ABR: variants seen among roughly 807,000 people sequenced by gnomAD.
The protein encoded by ABR is active breakpoint cluster region-related protein.
Under a neutral mutation model 107.2 loss-of-function variants are expected in ABR, and 35 were observed. The ratio of observed to expected loss-of-function variants is 0.33; its 90% CI spans 0.25 to 0.43. The LOEUF is 0.43. ABR is among the 20% of genes least tolerant of loss of function. The probability of loss-of-function intolerance (pLI) is 1.00; values close to 1 mark genes in which losing one functional copy is unlikely to be tolerated. For synonymous variants in ABR, 498 were observed against 462.0 expected, an observed-to-expected ratio of 1.08 and a Z score of -1.00; for missense variants, 815 against 1,115.2, an observed-to-expected ratio of 0.73 and a Z score of 3.83.
At chr17:1,134,372 A>T in intron 1 of ABR, among the ~76,000 whole-genome samples, 1 of 152,142 alleles carries the variant, frequency 6.6e-6, no homozygotes. Flanking sequence ...AGATTGTAGC[A>T]CTGCACTCCA....
At chr17:1,109,702 A>G (rs1356690025) in intron 2 of ABR, among the ~76,000 whole-genome samples, 1 of 151,020 alleles carries the variant, frequency 6.6e-6, no homozygotes, top group East Asian at 2.0e-4. Context: ...CGGCCCGCCC[A>G]GAAGCCACAG....
At chr17:1,012,110 G>A (rs1052579429) in intron 18 of ABR, 125 bp from the exon 19 acceptor site, 1 of 1,485,362 alleles carries the variant, frequency 6.7e-7, no homozygotes, top group South Asian at 1.2e-5. Flanking sequence ...TGGGGCGGGG[G>A]CAGGGGCAGG....
chr17:1,076,976 T>C (rs1417797167), intron 6 of ABR, among the ~76,000 whole-genome samples: 1 of 152,190 alleles, frequency 6.6e-6, no homozygotes, highest in Non-Finnish European at 1.5e-5. Flanking sequence ...TCTCTCTAGT[T>C]TGCTGGGTAC....
intron 1 of ABR, 39 bp from the exon 2 acceptor site, chr17:1,125,406 AC>A: frequency 1.2e-6 from 2 of 1,606,264 alleles, no homozygotes; most frequent in Non-Finnish European, 1.7e-6. Flanking sequence ...AGAATCCTCC[AC>A]CAGAGCTGCC....
chr17:1,123,693 C>A (rs796080512), intron 2 of ABR, among the ~76,000 whole-genome samples: 6 of 152,252 alleles, frequency 3.9e-5, no homozygotes, highest in African/African-American at 1.4e-4. Flanking sequence ...TGAGTCCCCC[C>A]GGGCGGGGCT....
At chr17:1,120,102 G>A (rs2258513) in intron 2 of ABR, among the ~76,000 whole-genome samples, 32,530 of 151,826 alleles carry the variant, frequency 0.21, 3,676 homozygotes, top group Admixed American at 0.28. Flanking sequence ...CCCAGTTTTC[G>A]CACCTGTAAT....
chr17:1,028,130 G>A (rs549289402), intron 16 of ABR, among the ~76,000 whole-genome samples: 39 of 152,198 alleles, frequency 2.6e-4, no homozygotes, highest in African/African-American at 6.5e-4. Flanking sequence ...TCGCTCTGTT[G>A]CCCAGGCTGG....
At chr17:1,142,183 G>A (rs1431634138) in intron 1 of ABR, among the ~76,000 whole-genome samples, 1 of 152,150 alleles carries the variant, frequency 6.6e-6, no homozygotes, top group Non-Finnish European at 1.5e-5. Context: ...GAATGGCCTG[G>A]GCATCAGGCC....
chr17:1,143,025 G>C (rs892705989), intron 1 of ABR, among the ~76,000 whole-genome samples: 4 of 131,488 alleles, frequency 3.0e-5, no homozygotes, highest in African/African-American at 8.8e-5. Context: ...GCTCGCTCCT[G>C]GGGGACAGCT....
At chr17:1,168,970 C>T (rs772427456) in intron 1 of ABR, among the ~76,000 whole-genome samples, 2 of 152,240 alleles carry the variant, frequency 1.3e-5, no homozygotes, top group African/African-American at 2.4e-5. Context: ...TTGCTGGCCT[C>T]GACCAAGTCA....
upstream of ABR, among the ~76,000 whole-genome samples, chr17:1,180,300 A>T (rs1326470607): frequency 6.6e-6 from 1 of 151,694 alleles, no homozygotes. Flanking sequence ...CAGGGGTGAC[A>T]TCACCTCCCG....
intron 13 of ABR, 66 bp downstream of exon 13, chr17:1,056,932 G>A (rs1281025162): frequency 8.9e-6 from 10 of 1,123,116 alleles, no homozygotes; most frequent in Admixed American, 8.7e-5. Flanking sequence ...GAGTCCTTAC[G>A]GGAAGCCGGC....
intron 2 of ABR, chr17:1,109,093 G>A: frequency 6.3e-7 from 1 of 1,586,030 alleles, no homozygotes; most frequent in African/African-American, 1.4e-5. Flanking sequence ...GCGGAGGGCA[G>A]ACAGGAAGCG....
chr17:1,007,159 G>A lies in ABR; in HGVS notation c.2490+6C>T, dbSNP rs377206216. 3.4e-5 allele frequency: 54 copies of A among 1,610,106 alleles called. No homozygotes were observed. The African/African-American group carries it at 6.7e-4, about 20-fold the overall frequency. Reference sequence around the variant, plus strand: ...CCAGCCACGGGCCCGGGCGGTGCCAGGGTACCTGCGCCATGACGTCATGGG... The same window carrying A: ...CCAGCCACGGGCCCGGGCGGTGCCAAGGTACCTGCGCCATGACGTCATGGG... On this transcript the variant is annotated splice_donor_region_variant and intron_variant, in intron 22 of 22. Transcript: ENST00000302538.
At position 1,153,383 on chromosome 17, in the gene ABR, G is replaced by GGGGGTCCAGGCACACCTACGGGAGGGCTA. The variant is rs1567833160; in HGVS notation, c.61+26283_61+26284insTAGCCCTCCCGTAGGTGTGCCTGGACCCC. Reference sequence around the variant, plus strand: ...CAGATGGCACACCTGCGGGAGGGCTGGGGATCCAGGCACACCTGCGGGAGG... The same window carrying GGGGGTCCAGGCACACCTACGGGAGGGCTA: ...CAGATGGCACACCTGCGGGAGGGCTGGGGGTCCAGGCACACCTACGGGAGGGCTAGGGATCCAGGCACACCTGCGGGAGG... On this transcript the variant is annotated intron_variant, in intron 1 of 22. Transcript: ENST00000302538. 2.0e-4 allele frequency among the ~76,000 whole-genome samples: 26 copies of GGGGGTCCAGGCACACCTACGGGAGGGCTA among 130,168 alleles called. 2 individuals are homozygous for GGGGGTCCAGGCACACCTACGGGAGGGCTA. The highest frequency in any genetic ancestry group is 1.0e-3 in the South Asian group (4 of 3,870). 85.4% of individuals were successfully genotyped at this position (130,168 alleles called of 152,430 possible). A position where few individuals can be genotyped will look rare whatever the true frequency, so the allele number is the denominator to read the frequency against.
chr17:1,034,133 GCTAATTT>G (rs2073003752), intron 16 of ABR, among the ~76,000 whole-genome samples: 1 of 151,918 alleles, frequency 6.6e-6, no homozygotes, highest in Non-Finnish European at 1.5e-5. Context: ...ACCACGCCCG[GCTAATTT>G]TTGTATTTTT....
At chr17:1,149,277 C>T (rs1471331204) in intron 1 of ABR, among the ~76,000 whole-genome samples, 1 of 152,046 alleles carries the variant, frequency 6.6e-6, no homozygotes, top group East Asian at 1.9e-4. Flanking sequence ...AGGAGTAATA[C>T]CAGGGACAGA....
chr17:1,185,429 G>A (rs898531160), intron 1 of ABR, among the ~76,000 whole-genome samples: 1 of 152,096 alleles, frequency 6.6e-6, no homozygotes, highest in Non-Finnish European at 1.5e-5. Context: ...CGGGTCACCT[G>A]AGGTCAGGAG....
At chr17:1,079,004 C>A (rs529060557) in intron 6 of ABR, 2 of 1,413,918 alleles carry the variant, frequency 1.4e-6, no homozygotes, top group African/African-American at 1.4e-5. Flanking sequence ...GCTCTTCCAG[C>A]AAGGGGGAGG....
Sources: gnomAD v4.1 joint callset for allele counts (sites outside exome capture counted in the v4.1 genomes callset) on GRCh38, gnomAD v4.1.1 for gene constraint, MANE v1.5 for transcripts, NCBI Gene and HGNC (gene_info 2026-07-23, HGNC 2026-07-21) for gene names.